Variants in RAB3C observed in about 807,000 individuals in gnomAD.
RAB3C encodes the protein RAB3C, member RAS oncogene family.
RAB3C carries 17 observed loss-of-function variants against 26.4 expected under a neutral mutation model. The observed-to-expected ratio is 0.64, with a 90% CI of 0.44 to 0.97. The LOEUF (loss-of-function observed/expected upper bound fraction) is 0.97. Among genes scored for constraint, RAB3C ranks in the 50% least tolerant of loss-of-function variants. The pLI, the probability that RAB3C is intolerant of heterozygous loss-of-function variation, is 0.00. For missense variants in RAB3C, 242 were observed against 281.9 expected (o/e 0.86, Z 1.01); for synonymous variants, 91 against 95.9 (o/e 0.95, Z 0.30).
At chr5:58,756,702 T>A (rs1262204366) in intron 3 of RAB3C, among the ~76,000 whole-genome samples, 4 of 140,390 alleles carry the variant, frequency 2.8e-5, no homozygotes, top group Non-Finnish European at 4.6e-5. Context: ...ATGTTTGGTT[T>A]TCTGTTCCTG....
intron 2 of RAB3C, among the ~76,000 whole-genome samples, chr5:58,625,627 G>A (rs1317064781): frequency 6.6e-6 from 1 of 152,140 alleles, no homozygotes; most frequent in Non-Finnish European, 1.5e-5. Context: ...GGGAGGCCGA[G>A]GTGGGTGGAT....
At chr5:58,841,517 A>G (rs1743875634) in intron 4 of RAB3C, among the ~76,000 whole-genome samples, 1 of 152,108 alleles carries the variant, frequency 6.6e-6, no homozygotes. Context: ...AGATGGTGCT[A>G]TGCTGCAGAA....
Position 58,593,934 on chromosome 5 carries a change from C to T in RAB3C, c.24+10702C>T, listed in dbSNP as rs145141222. Among the ~76,000 whole-genome samples, 318 of 152,254 alleles carry T rather than the reference C, an allele frequency of 2.1e-3. 1 individual carries two copies. Among genetic ancestry groups the T allele is most frequent in the African/African-American group, 7.2e-3 (299 of 41,556 alleles). Reference sequence around the variant, plus strand: ...TTAGGTCTAGCGACCTTCAAAAAAACCACATTTTATGCCTCCTTGGCCTCC... The same window carrying T: ...TTAGGTCTAGCGACCTTCAAAAAAATCACATTTTATGCCTCCTTGGCCTCC... On this transcript the variant is annotated intron_variant, in intron 1 of 4. Coordinates refer to ENST00000282878, the MANE Select transcript of RAB3C (RefSeq NM_138453.4).
At chr5:58,820,584 TAG>T (rs1163347335) in intron 3 of RAB3C, among the ~76,000 whole-genome samples, 4 of 152,210 alleles carry the variant, frequency 2.6e-5, no homozygotes, top group African/African-American at 7.2e-5. Context: ...ACAAATGCTC[TAG>T]ACCACAATTT....
chr5:58,614,080 A>C (rs1352506720), intron 1 of RAB3C, among the ~76,000 whole-genome samples: 3 of 151,744 alleles, frequency 2.0e-5, no homozygotes, highest in African/African-American at 7.3e-5. Context: ...ATTCTTTCCA[A>C]CTCTATGGTT....
intron 2 of RAB3C, among the ~76,000 whole-genome samples, chr5:58,618,839 T>C (rs1746877174): frequency 6.6e-6 from 1 of 152,200 alleles, no homozygotes; most frequent in Admixed American, 6.6e-5. Context: ...TCCCAAGAGG[T>C]GTTTTCTAGC....
intron 2 of RAB3C, among the ~76,000 whole-genome samples, chr5:58,659,227 T>C (rs951898359): frequency 6.6e-6 from 1 of 152,246 alleles, no homozygotes; most frequent in African/African-American, 2.4e-5. Flanking sequence ...TATATATATA[T>C]ACACATGCAC....
At chr5:58,846,299 C>A (rs1554022331) in intron 4 of RAB3C, among the ~76,000 whole-genome samples, 1 of 152,104 alleles carries the variant, frequency 6.6e-6, no homozygotes, top group Non-Finnish European at 1.5e-5. Context: ...AGAAACCTCC[C>A]AAGGAGCCTG....
intron 2 of RAB3C, among the ~76,000 whole-genome samples, chr5:58,692,709 T>C (rs573427288): frequency 6.6e-6 from 1 of 152,300 alleles, no homozygotes; most frequent in South Asian, 2.1e-4. Flanking sequence ...GGCATTGCTT[T>C]TCCATTTCTA....
chr5:58,635,306 G>A (rs1747266046), intron 2 of RAB3C, among the ~76,000 whole-genome samples: 1 of 152,164 alleles, frequency 6.6e-6, no homozygotes, highest in African/African-American at 2.4e-5. Context: ...TCAAACATGG[G>A]AAGTTACATG....
At chr5:58,713,050 G>A (rs1311060938) in intron 2 of RAB3C, among the ~76,000 whole-genome samples, 1 of 152,070 alleles carries the variant, frequency 6.6e-6, no homozygotes, top group African/African-American at 2.4e-5. Flanking sequence ...AATTGGATAG[G>A]GATCTTGGAG....
chr5:58,732,219 G>A (rs570447748), intron 3 of RAB3C, among the ~76,000 whole-genome samples: 185 of 151,456 alleles, frequency 1.2e-3, no homozygotes, highest in Middle Eastern at 3.4e-3. Flanking sequence ...AGGGTCAAAC[G>A]GTTATTGTGC....
At chr5:58,787,278 A>G (rs1742413655) in intron 3 of RAB3C, among the ~76,000 whole-genome samples, 1 of 152,154 alleles carries the variant, frequency 6.6e-6, no homozygotes, top group Non-Finnish European at 1.5e-5. Flanking sequence ...AATACTCTCT[A>G]TGTAAATTGT....
intron 3 of RAB3C, among the ~76,000 whole-genome samples, chr5:58,817,806 T>C (rs111625046): frequency 8.4e-4 from 126 of 150,794 alleles, no homozygotes; most frequent in African/African-American, 3.0e-3. Flanking sequence ...AATAAATAAA[T>C]GATTAAATTA....
intron 4 of RAB3C, among the ~76,000 whole-genome samples, chr5:58,829,727 C>G (rs1052355677): frequency 1.3e-5 from 2 of 152,112 alleles, no homozygotes; most frequent in Non-Finnish European, 2.9e-5. Context: ...ATCTTAATAG[C>G]CTCTGAACAT....
Position 58,790,456 on chromosome 5 carries a change from T to G in RAB3C, c.372-34582T>G, listed in dbSNP as rs541709697. Among the ~76,000 whole-genome samples the G allele has an allele frequency of 1.1e-4, 17 of 152,294 alleles. No individual in the cohort carries two copies. In the East Asian group the frequency reaches 3.3e-3, roughly 29 times the overall value. ...AATTAAATGCTCTACATCAGGAAGT[T>G]AATTTAAATGAGCATGTGAGCCTTA... is the stretch of plus-strand genomic sequence containing the variant. On this transcript the variant is annotated intron_variant, in intron 3 of 4. Transcript: ENST00000282878.
In RAB3C at chr5:58,616,403, T is replaced by C. The variant is rs1746826478; in HGVS notation, c.25-1240T>C. 2.0e-5 allele frequency among the ~76,000 whole-genome samples: 3 copies of C among 152,176 alleles called. No individual in the cohort carries two copies. The South Asian group carries it at 6.2e-4, about 32-fold the overall frequency. On this transcript the variant is annotated intron_variant, in intron 1 of 4. Transcript: ENST00000282878. The stretch of plus-strand genomic sequence containing the variant: ...AGAATAACAATTGCCAAATAATTTA[T>C]AGCATCAGAAACTGTGCTGAGCAAA...
chr5:58,779,057 G>A (rs10471461), intron 3 of RAB3C, among the ~76,000 whole-genome samples: 15,573 of 152,006 alleles, frequency 0.1, 904 homozygotes, highest in Non-Finnish European at 0.14. Context: ...ACTCACTTAT[G>A]GTAAGATTCA....
chr5:58,709,734 T>C (rs1749019408), intron 2 of RAB3C, among the ~76,000 whole-genome samples: 1 of 152,146 alleles, frequency 6.6e-6, no homozygotes, highest in Admixed American at 6.5e-5. Flanking sequence ...TTTCATGTCC[T>C]CCAATTATGG....
Sources: allele counts gnomAD v4.1 joint callset (sites outside exome capture counted in the v4.1 genomes callset), GRCh38; gene constraint gnomAD v4.1.1; transcripts MANE v1.5; gene names NCBI Gene and HGNC (gene_info 2026-07-23, HGNC 2026-07-21).